The following NXPE2 variants were observed in gnomAD, a reference collection of about 807,000 sequenced individuals.
The protein encoded by NXPE2 is neurexophilin and PC-esterase domain family member 2, also known as NXPE family member 2.
In NXPE2, 34 loss-of-function variants were observed where a neutral mutation model predicts 34.4. That is an observed-to-expected ratio of 0.99 (90% CI 0.75 to 1.31). The LOEUF is 1.31. NXPE2 is among the 40% of genes most tolerant of loss of function. The pLI is 0.00. For missense variants in NXPE2, 649 were observed against 672.5 expected (o/e 0.97, Z 0.39); for synonymous variants, 235 against 231.3 (o/e 1.02, Z -0.15).
chr11:114,533,219 T>C, the NXPE2 span, among the ~76,000 whole-genome samples: 1 of 152,184 alleles, frequency 6.6e-6, no homozygotes, highest in Non-Finnish European at 1.5e-5. Context: ...TAGCAAATTA[T>C]TAGTATTAAG....
chr11:114,793,929 A>G, the NXPE2 span, among the ~76,000 whole-genome samples: 17,837 of 152,154 alleles, frequency 0.12, 1,174 homozygotes, highest in Admixed American at 0.21. Context: ...TTCAATCAGA[A>G]TCGGTTTCTT....
the NXPE2 span, among the ~76,000 whole-genome samples, chr11:114,569,255 A>G: frequency 2.0e-5 from 3 of 152,186 alleles, no homozygotes; most frequent in African/African-American, 7.2e-5. Context: ...ACATTGCTCT[A>G]TTCAACTGAA....
In NXPE2 at chr11:114,705,852, A is replaced by T. The variant is rs1197142824; in HGVS notation, c.1000A>T (p.Lys334Ter). 1.9e-6 allele frequency: 3 copies of T among 1,545,016 alleles called. No homozygotes were observed. The highest frequency in any genetic ancestry group is 2.7e-5 in the African/African-American group (2 of 72,732). Residue 334 changes from lysine (K) to a stop codon, truncating the protein, a stop_gained, in exon 5 of 6, where the codon AAA becomes TAA. Coordinates refer to ENST00000389586, the MANE Select transcript of NXPE2 (RefSeq NM_182495.6). LOFTEE classifies it high-confidence loss of function. ...TPFPSGYTLK[K>*]MWITAFCKQI... ...TTTCCCCAGTGGTTATACTTTGAAA[A>T]AAATGTGGATTACAGCATTTTGTAA...
chr11:114,606,221 G>T, the NXPE2 span, among the ~76,000 whole-genome samples: 23 of 151,728 alleles, frequency 1.5e-4, no homozygotes, highest in Non-Finnish European at 3.1e-4. Context: ...ATTGCCTCAT[G>T]GGTAACCACT....
At chr11:114,496,381 G>T in the NXPE2 span, among the ~76,000 whole-genome samples, 1 of 152,108 alleles carries the variant, frequency 6.6e-6, no homozygotes, top group Non-Finnish European at 1.5e-5. Flanking sequence ...ACTGCTGCTG[G>T]GGAAGGGGTG....
intron 2 of NXPE2, among the ~76,000 whole-genome samples, chr11:114,684,941 G>A (rs560458071): frequency 6.6e-6 from 1 of 152,198 alleles, no homozygotes; most frequent in Non-Finnish European, 1.5e-5. Flanking sequence ...GGATATTGAA[G>A]TCTACCTGGA....
the NXPE2 span, among the ~76,000 whole-genome samples, chr11:114,638,790 A>T: frequency 2.0e-5 from 3 of 151,798 alleles, no homozygotes; most frequent in East Asian, 1.9e-4. Context: ...ATTTTCGTGA[A>T]CCGTGAATGC....
chr11:114,654,209 T>G, the NXPE2 span, among the ~76,000 whole-genome samples: 52 of 152,162 alleles, frequency 3.4e-4, 1 homozygote, highest in Non-Finnish European at 6.3e-4. Context: ...GATGCCTGCC[T>G]TCCACCCAGA....
the NXPE2 span, among the ~76,000 whole-genome samples, chr11:114,504,168 G>T: frequency 6.6e-6 from 1 of 152,206 alleles, no homozygotes; most frequent in Non-Finnish European, 1.5e-5. Context: ...TGCCCTGCCA[G>T]TAGCAGTGCA....
chr11:114,618,940 G>C, the NXPE2 span, among the ~76,000 whole-genome samples: 1 of 152,012 alleles, frequency 6.6e-6, no homozygotes, highest in African/African-American at 2.4e-5. Flanking sequence ...CTACCCACTG[G>C]ATAATAAGTA....
the NXPE2 span, among the ~76,000 whole-genome samples, chr11:114,795,704 G>A: frequency 1.3e-5 from 2 of 152,190 alleles, no homozygotes; most frequent in African/African-American, 4.8e-5. Flanking sequence ...TGGTGCCCTT[G>A]CTGGCAAATT....
the NXPE2 span, chr11:114,571,343 G>T: frequency 1.2e-6 from 2 of 1,613,934 alleles, no homozygotes; most frequent in Non-Finnish European, 1.7e-6. Flanking sequence ...CCATCTCTTT[G>T]ACTGAATAGG....
At chr11:114,665,135 T>C in the NXPE2 span, among the ~76,000 whole-genome samples, 5 of 152,282 alleles carry the variant, frequency 3.3e-5, no homozygotes, top group East Asian at 9.6e-4. Context: ...ATATATAAAG[T>C]AGCCTTGCCA....
At chr11:114,597,122 T>G in the NXPE2 span, among the ~76,000 whole-genome samples, 867 of 152,274 alleles carry the variant, frequency 5.7e-3, 5 homozygotes, top group Non-Finnish European at 9.2e-3. Context: ...AAGGATAGAC[T>G]CTGATTAATT....
the NXPE2 span, among the ~76,000 whole-genome samples, chr11:114,795,839 T>C: frequency 6.6e-6 from 1 of 152,210 alleles, no homozygotes; most frequent in Non-Finnish European, 1.5e-5. Context: ...AATTCACTAA[T>C]GAATTTTCAA....
At chr11:114,721,314 T>C in the NXPE2 span, among the ~76,000 whole-genome samples, 1 of 151,740 alleles carries the variant, frequency 6.6e-6, no homozygotes, top group Non-Finnish European at 1.5e-5. Flanking sequence ...CAATACATGA[T>C]CCTTCAGAGC....
chr11:114,569,845 C>A, the NXPE2 span, among the ~76,000 whole-genome samples: 1 of 152,214 alleles, frequency 6.6e-6, no homozygotes, highest in South Asian at 2.1e-4. Context: ...CCCCTCACCC[C>A]CACACTCAAG....
At chr11:114,654,993 A>T in the NXPE2 span, among the ~76,000 whole-genome samples, 1 of 152,072 alleles carries the variant, frequency 6.6e-6, no homozygotes, top group South Asian at 2.1e-4. Context: ...TTGTTTCCTG[A>T]CTTTTTAATA....
chr11:114,754,711 CA>C, the NXPE2 span, among the ~76,000 whole-genome samples: 14,360 of 152,100 alleles, frequency 0.094, 737 homozygotes, highest in Middle Eastern at 0.13. Context: ...GTGAGAGCTC[CA>C]GGGGGTATAA....
Sources: gnomAD v4.1 joint callset for allele counts (sites outside exome capture counted in the v4.1 genomes callset) on GRCh38, gnomAD v4.1.1 for gene constraint, MANE v1.5 for transcripts, NCBI Gene and HGNC (gene_info 2026-07-23, HGNC 2026-07-21) for gene names.